HNF4G: variants seen among roughly 807,000 people sequenced by gnomAD.
HNF4G encodes hepatocyte nuclear factor 4 gamma, also known as hepatocyte nuclear factor 4-gamma.
Under a neutral mutation model 50.9 loss-of-function variants are expected in HNF4G, and 21 were observed. The observed-to-expected ratio is 0.41, with a 90% CI of 0.29 to 0.59. The LOEUF (loss-of-function observed/expected upper bound fraction) is 0.59. HNF4G is among the 20% of genes least tolerant of loss of function. The pLI is 0.26. For synonymous variants in HNF4G, 198 were observed against 185.6 expected, an observed-to-expected ratio of 1.07 and a Z score of -0.54; for missense variants, 527 against 559.4, an observed-to-expected ratio of 0.94 and a Z score of 0.58.
At chr8:75,545,596 A>C (rs1280965004) in intron 2 of HNF4G, among the ~76,000 whole-genome samples, 1 of 152,144 alleles carries the variant, frequency 6.6e-6, no homozygotes, top group Non-Finnish European at 1.5e-5. Context: ...TGCTGGTCTC[A>C]AATGTATCTA....
intron 2 of HNF4G, among the ~76,000 whole-genome samples, chr8:75,496,149 A>G (rs1812760772): frequency 6.6e-6 from 1 of 152,196 alleles, no homozygotes; most frequent in Non-Finnish European, 1.5e-5. Flanking sequence ...AATATAAGTA[A>G]TATGCAAAAA....
At chr8:75,457,291 G>GAGC (rs1180401532) in intron 1 of HNF4G, among the ~76,000 whole-genome samples, 2 of 152,164 alleles carry the variant, frequency 1.3e-5, no homozygotes, top group African/African-American at 4.8e-5. Flanking sequence ...ATCAGATGAA[G>GAGC]ATTTGTATTA....
intron 2 of HNF4G, among the ~76,000 whole-genome samples, chr8:75,505,882 G>A (rs919702763): frequency 2.0e-5 from 3 of 152,002 alleles, no homozygotes; most frequent in Admixed American, 6.6e-5. Context: ...TAAGTGGAAT[G>A]ACCCTTGACA....
chr8:75,483,841 A>G (rs1294725321), intron 1 of HNF4G, among the ~76,000 whole-genome samples: 1 of 152,204 alleles, frequency 6.6e-6, no homozygotes, highest in Non-Finnish European at 1.5e-5. Flanking sequence ...TATTAGTTAC[A>G]GTTTCTTAGA....
intron 2 of HNF4G, among the ~76,000 whole-genome samples, chr8:75,545,682 C>G (rs1172125492): frequency 6.6e-6 from 1 of 151,978 alleles, no homozygotes; most frequent in African/African-American, 2.4e-5. Context: ...TTCAAAAGCA[C>G]TTTTAATTGC....
intron 1 of HNF4G, among the ~76,000 whole-genome samples, chr8:75,477,866 C>T (rs1223123218): frequency 3.3e-5 from 5 of 152,024 alleles, no homozygotes; most frequent in South Asian, 2.1e-4. Context: ...ACTTGGAAGG[C>T]TGAGGCAGGA....
chr8:75,460,900 T>C (rs145956691), intron 1 of HNF4G, among the ~76,000 whole-genome samples: 12 of 152,302 alleles, frequency 7.9e-5, no homozygotes, highest in African/African-American at 2.4e-4. Flanking sequence ...TCTTCACCAC[T>C]TTTTCTTACA....
At chr8:75,539,284 G>A (rs1806547017), upstream of HNF4G, among the ~76,000 whole-genome samples, 1 of 152,134 alleles carries the variant, frequency 6.6e-6, no homozygotes, top group Admixed American at 6.6e-5. Flanking sequence ...AAGTTTATTA[G>A]CATAGCTGGG....
At chr8:75,433,398 A>C (rs532317662) in intron 1 of HNF4G, among the ~76,000 whole-genome samples, 43 of 144,622 alleles carry the variant, frequency 3.0e-4, no homozygotes, top group Non-Finnish European at 1.5e-4. Flanking sequence ...CGAGAGTCAG[A>C]CCCTGTCTCA....
intron 1 of HNF4G, among the ~76,000 whole-genome samples, chr8:75,543,261 G>A (rs896665794): frequency 6.6e-6 from 1 of 152,036 alleles, no homozygotes; most frequent in Non-Finnish European, 1.5e-5. Flanking sequence ...CTTACCAAGG[G>A]ATTGGTTATA....
At chr8:75,466,599 T>C (rs554966248) in intron 1 of HNF4G, among the ~76,000 whole-genome samples, 1 of 119,514 alleles carries the variant, frequency 8.4e-6, no homozygotes, top group East Asian at 2.3e-4. Context: ...CTTCCTTCCT[T>C]CCTTCCTTCC....
intron 1 of HNF4G, among the ~76,000 whole-genome samples, chr8:75,453,635 C>T (rs2130585995): frequency 6.6e-6 from 1 of 152,116 alleles, no homozygotes; most frequent in East Asian, 1.9e-4. Context: ...TCTTTAAGAG[C>T]TGTAACACTC....
At chr8:75,518,710 A>G (rs1275342659) in intron 2 of HNF4G, among the ~76,000 whole-genome samples, 2 of 152,062 alleles carry the variant, frequency 1.3e-5, no homozygotes, top group African/African-American at 4.8e-5. Context: ...GACTGCACAA[A>G]GCCGCAAGGC....
intron 1 of HNF4G, among the ~76,000 whole-genome samples, chr8:75,426,250 C>G (rs539849802): frequency 5.3e-5 from 8 of 152,298 alleles, no homozygotes; most frequent in Non-Finnish European, 1.2e-4. Context: ...TTCCATTCCT[C>G]GTGGATTTCG....
At chr8:75,539,703 G>A (rs545852188), upstream of HNF4G, among the ~76,000 whole-genome samples, 74 of 152,242 alleles carry the variant, frequency 4.9e-4, no homozygotes, top group African/African-American at 1.7e-3. Flanking sequence ...AGTCCACTAA[G>A]CACTTCAGAT....
chr8:75,497,473 C>G (rs991546191), intron 2 of HNF4G, among the ~76,000 whole-genome samples: 3 of 152,130 alleles, frequency 2.0e-5, no homozygotes, highest in African/African-American at 7.2e-5. Flanking sequence ...ATCACGAGGT[C>G]AGGAGTTCGA....
At chr8:75,410,738 TAA>T (rs1203302431) in intron 1 of HNF4G, among the ~76,000 whole-genome samples, 3 of 152,190 alleles carry the variant, frequency 2.0e-5, no homozygotes, top group Non-Finnish European at 4.4e-5. Context: ...CTGGGTCCTT[TAA>T]AAAGTTATCC....
At chr8:75,521,414 CT>C (rs1235240562) in intron 2 of HNF4G, among the ~76,000 whole-genome samples, 2 of 152,156 alleles carry the variant, frequency 1.3e-5, no homozygotes, top group Admixed American at 6.5e-5. Context: ...GTATAAAAAT[CT>C]ATTGATAATA....
chr8:75,486,599 T>C (rs540859516), intron 1 of HNF4G, among the ~76,000 whole-genome samples: 17 of 152,346 alleles, frequency 1.1e-4, no homozygotes, highest in African/African-American at 3.6e-4. Flanking sequence ...AGTTCATCTG[T>C]ACCTTTGTAG....
Sources: gnomAD v4.1 joint callset for allele counts (sites outside exome capture counted in the v4.1 genomes callset) on GRCh38, gnomAD v4.1.1 for gene constraint, MANE v1.5 for transcripts, NCBI Gene and HGNC (gene_info 2026-07-23, HGNC 2026-07-21) for gene names.